MIGA1: variants seen among roughly 807,000 people sequenced by gnomAD.
MIGA1 encodes the protein family with sequence similarity 73, member A.
Under a neutral mutation model 82.0 loss-of-function variants are expected in MIGA1, and 58 were observed. The observed-to-expected ratio is 0.71, with a 90% confidence interval of 0.57 to 0.88. The LOEUF is 0.88. Among genes scored for constraint, MIGA1 ranks in the 40% least tolerant of loss-of-function variants. The probability of loss-of-function intolerance (pLI) is 0.00; values close to 1 mark genes in which losing one functional copy is unlikely to be tolerated. For missense variants in MIGA1, 751 were observed against 749.1 expected, an observed-to-expected ratio of 1.00 and a Z score of -0.03; for synonymous variants, 249 against 253.6, an observed-to-expected ratio of 0.98 and a Z score of 0.17.
At chr1:77,855,774 A>G (rs889462656) in intron 8 of MIGA1, among the ~76,000 whole-genome samples, 3 of 151,922 alleles carry the variant, frequency 2.0e-5, no homozygotes, top group African/African-American at 7.3e-5. Flanking sequence ...TTCTTTTATC[A>G]GTTCTAGGAG....
At chr1:77,791,686 C>T (rs1682435321) in intron 2 of MIGA1, among the ~76,000 whole-genome samples, 1 of 151,182 alleles carries the variant, frequency 6.6e-6, no homozygotes, top group South Asian at 2.1e-4. Context: ...GCCTCAGCCT[C>T]CTGATTTGGT....
chr1:77,859,813 T>G (rs1685397344), intron 10 of MIGA1: 1 of 447,824 alleles, frequency 2.2e-6, no homozygotes, highest in Non-Finnish European at 3.9e-6. Flanking sequence ...AATATGATTT[T>G]GAACAGAATT....
intron 8 of MIGA1, among the ~76,000 whole-genome samples, chr1:77,855,385 G>T (rs1474859063): frequency 6.6e-6 from 1 of 152,196 alleles, no homozygotes; most frequent in Non-Finnish European, 1.5e-5. Context: ...CTCTTTTTTG[G>T]TTGCATATGA....
intron 8 of MIGA1, chr1:77,848,067 G>C: frequency 7.7e-7 from 1 of 1,292,160 alleles, no homozygotes; most frequent in Non-Finnish European, 1.1e-6. Flanking sequence ...AACATCGAGA[G>C]GACACGAGAA....
rs576103166 is a variant in MIGA1, at chr1:77,875,696, G to T, written c.*632G>T. The T allele has an allele frequency of 6.6e-6, 1 of 152,386 alleles. No individual in the cohort carries two copies. Among genetic ancestry groups the T allele is most frequent in the Non-Finnish European group, 1.5e-5 (1 of 68,126 alleles). The allele number at this position is 152,386 out of a possible 1,614,324, so 9.4% of individuals were successfully genotyped here. A position where few individuals can be genotyped will look rare whatever the true frequency, so the allele number is the denominator to read the frequency against. On this transcript the variant is annotated 3_prime_UTR_variant, in exon 16 of 16. Transcript: ENST00000370791. ...GTGGCTCATGCCTGTAATACATTGG[G>T]AGGCTGAGGCAGGAGGACAGTTTGA...
intron 12 of MIGA1, 134 bp downstream of exon 12, chr1:77,861,456 C>G (rs1330045127): frequency 6.4e-6 from 4 of 627,424 alleles, no homozygotes; most frequent in East Asian, 2.9e-5. Context: ...TTTTTTCTGA[C>G]GAAGTCATAA....
At chr1:77,786,511 A>G (rs972208679) in intron 2 of MIGA1, among the ~76,000 whole-genome samples, 1 of 152,222 alleles carries the variant, frequency 6.6e-6, no homozygotes, top group Non-Finnish European at 1.5e-5. Flanking sequence ...AATGCCTTTA[A>G]CAGCACCCAA....
intron 5 of MIGA1, among the ~76,000 whole-genome samples, chr1:77,807,338 A>G (rs1246903419): frequency 6.6e-6 from 1 of 151,992 alleles, no homozygotes; most frequent in Non-Finnish European, 1.5e-5. Context: ...ATTTTTAAAA[A>G]AAATTTTGTA....
rs1685368898 is a variant in MIGA1, at chr1:77,859,007, G to A, written c.1066G>A (p.Glu356Lys). 6.2e-7 allele frequency: 1 copy of A among 1,613,854 alleles called. No homozygotes were observed. The highest frequency in any genetic ancestry group is 1.3e-5 in the African/African-American group (1 of 74,890). ...CCTTTGTCACTGCCCATTTTACGAG[G>A]AAGCCATGCATTTAGTTGAAGAAGG... Residue 356 changes from glutamate to lysine, a missense_variant, in exon 9 of 16, where the codon GAA (glutamate) becomes AAA (lysine). Glu to Lys is a moderately conservative substitution (Grantham distance 56). Around this residue, in one of 3 missense-constraint regions of MIGA1, gnomAD observed 482 missense variants for 439.4 expected, o/e 1.10. Coordinates refer to ENST00000370791, the MANE Select transcript of MIGA1 (RefSeq NM_198549.4).
At chr1:77,808,976 T>G (rs1570943736) in intron 5 of MIGA1, among the ~76,000 whole-genome samples, 1 of 152,156 alleles carries the variant, frequency 6.6e-6, no homozygotes, top group Non-Finnish European at 1.5e-5. Flanking sequence ...CTGGATATGG[T>G]GTCATGTACC....
intron 12 of MIGA1, 114 bp from the exon 13 acceptor site, chr1:77,863,780 G>T: frequency 4.3e-6 from 3 of 694,090 alleles, no homozygotes; most frequent in South Asian, 5.4e-5. Context: ...TTTTATTTTT[G>T]AATAAGCTGA....
At chr1:77,808,404 A>G (rs921641480) in intron 5 of MIGA1, among the ~76,000 whole-genome samples, 1 of 152,224 alleles carries the variant, frequency 6.6e-6, no homozygotes, top group Non-Finnish European at 1.5e-5. Flanking sequence ...AGCCTACTAC[A>G]CTATCTTAAC....
At chr1:77,860,588 C>T (rs1421246354) in intron 11 of MIGA1, 1 of 153,384 alleles carries the variant, frequency 6.5e-6, no homozygotes, top group Non-Finnish European at 1.4e-5. Context: ...AAGGTTTGTC[C>T]AGATGATGAT....
At position 77,877,699 on chromosome 1, in the gene MIGA1, T is replaced by A. The variant is rs1453427883; in HGVS notation, c.*2635T>A. 6.5e-6 allele frequency: 1 copy of A among 152,678 alleles called. No individual in the cohort carries two copies. The highest frequency in any genetic ancestry group is 6.5e-5 in the Admixed American group (1 of 15,284). 9.5% of individuals were successfully genotyped at this position (152,678 alleles called of 1,614,324 possible). On this transcript the variant is annotated 3_prime_UTR_variant, in exon 16 of 16. Coordinates refer to ENST00000370791, the MANE Select transcript of MIGA1 (RefSeq NM_198549.4). ...AATGTAATTTATTTTAGAAAGATAT[T>A]ATTTGAAATCAATTTTGAAGAATTG...
intron 6 of MIGA1, among the ~76,000 whole-genome samples, 200 bp from the exon 7 acceptor site, chr1:77,814,908 A>G (rs1285643621): frequency 6.6e-6 from 1 of 152,200 alleles, no homozygotes; most frequent in Non-Finnish European, 1.5e-5. Context: ...AAACTGAATC[A>G]CTAAGAACTA....
intron 13 of MIGA1, among the ~76,000 whole-genome samples, chr1:77,865,200 G>A (rs1322176441): frequency 6.6e-6 from 1 of 151,078 alleles, no homozygotes; most frequent in Non-Finnish European, 1.5e-5. Flanking sequence ...GATCCACTGG[G>A]TGCTTTTGTC....
intron 13 of MIGA1, among the ~76,000 whole-genome samples, chr1:77,865,059 C>G (rs1274880949): frequency 6.6e-6 from 1 of 151,830 alleles, no homozygotes; most frequent in East Asian, 1.9e-4. Context: ...GGTACATGTT[C>G]TCCATTTCTG....
intron 11 of MIGA1, chr1:77,860,735 A>G (rs1423019235): frequency 7.2e-5 from 11 of 153,640 alleles, no homozygotes; most frequent in Admixed American, 7.1e-4. Context: ...GGATGATTAA[A>G]TAAATGATAA....
chr1:77,856,152 G>A (rs1685247759), intron 8 of MIGA1, among the ~76,000 whole-genome samples: 1 of 152,084 alleles, frequency 6.6e-6, no homozygotes, highest in Admixed American at 6.6e-5. Flanking sequence ...TGAGGTGATC[G>A]TGTGATTTTT....
Sources: gnomAD v4.1 joint callset for allele counts (sites outside exome capture counted in the v4.1 genomes callset) on GRCh38, gnomAD v4.1.1 for gene constraint, gnomAD v4.1.1 regional missense constraint, MANE v1.5 for transcripts, NCBI Gene and HGNC (gene_info 2026-07-23, HGNC 2026-07-21) for gene names.